The following NETO1 variants were observed in gnomAD, a reference collection of about 807,000 sequenced individuals.
The protein encoded by NETO1 is neuropilin and tolloid like 1.
A neutral mutation model predicts 61.3 loss-of-function variants in NETO1; 26 were observed. That is an observed-to-expected ratio of 0.42 (90% CI 0.31 to 0.59). The LOEUF is 0.59. Ranked by LOEUF, NETO1 falls within the 20% of genes least tolerant of loss-of-function variation. The probability of loss-of-function intolerance (pLI) is 0.12; values close to 1 mark genes in which losing one functional copy is unlikely to be tolerated. For missense variants in NETO1, 531 were observed against 662.8 expected (o/e 0.80, Z 2.18); for synonymous variants, 225 against 225.8 (o/e 1.00, Z 0.03).
chr18:72,750,706 T>TA, intron 8 of NETO1, 86 bp from the exon 9 acceptor site: 1 of 939,772 alleles, frequency 1.1e-6, no homozygotes, highest in South Asian at 2.0e-5. Flanking sequence ...AAATGTGTAT[T>TA]AAAAACTTAA....
chr18:72,855,564 G>A (rs1476816430), intron 4 of NETO1, among the ~76,000 whole-genome samples: 1 of 152,182 alleles, frequency 6.6e-6, no homozygotes, highest in East Asian at 1.9e-4. Context: ...CATCCGTGCG[G>A]GACCTCCAGT....
intron 4 of NETO1, among the ~76,000 whole-genome samples, chr18:72,857,959 T>A (rs984618058): frequency 6.6e-6 from 1 of 152,188 alleles, no homozygotes; most frequent in Non-Finnish European, 1.5e-5. Context: ...GTTACTTCTT[T>A]AACATGGAAT....
rs768013789 is a variant in NETO1 at position 72,744,328 on chromosome 18, G to C, written c.*3851C>G. The C allele has an allele frequency of 6.6e-6, 1 of 152,154 alleles. No homozygotes were observed. Among genetic ancestry groups the C allele is most frequent in the Non-Finnish European group, 1.5e-5 (1 of 68,026 alleles). 9.4% of individuals were successfully genotyped at this position (152,154 alleles called of 1,614,324 possible). On this transcript the variant is annotated 3_prime_UTR_variant, in exon 11 of 11. Coordinates refer to ENST00000327305, the MANE Select transcript of NETO1 (RefSeq NM_138966.5). Reference sequence around the variant, plus strand: ...AATTGTAAATTAACAAAGGGCCTCAGATTTATTTAGCAGGATTATTTATAA... The same window carrying C: ...AATTGTAAATTAACAAAGGGCCTCACATTTATTTAGCAGGATTATTTATAA...
intron 7 of NETO1, among the ~76,000 whole-genome samples, chr18:72,757,272 T>C (rs1349658027): frequency 6.6e-6 from 1 of 152,140 alleles, no homozygotes; most frequent in Non-Finnish European, 1.5e-5. Flanking sequence ...AAACTGTATA[T>C]TACATAAGTT....
chr18:72,814,966 A>G (rs2072986351), intron 4 of NETO1, among the ~76,000 whole-genome samples: 1 of 152,096 alleles, frequency 6.6e-6, no homozygotes, highest in Admixed American at 6.5e-5. Context: ...ATTTAGTAAA[A>G]CAATTATTAT....
chr18:72,759,070 C>G (rs1946451190), intron 7 of NETO1, among the ~76,000 whole-genome samples: 1 of 152,112 alleles, frequency 6.6e-6, no homozygotes. Flanking sequence ...CACCAATAGA[C>G]CAAATCAAGC....
At chr18:72,763,766 G>A (rs1318277191) in intron 7 of NETO1, among the ~76,000 whole-genome samples, 1 of 152,142 alleles carries the variant, frequency 6.6e-6, no homozygotes. Flanking sequence ...GTATGGAAAA[G>A]CAGCTGGGGG....
chr18:72,798,407 C>T (rs560343444), intron 4 of NETO1, among the ~76,000 whole-genome samples: 2 of 152,174 alleles, frequency 1.3e-5, no homozygotes, highest in South Asian at 4.1e-4. Flanking sequence ...TTTGACTGCA[C>T]AGAGACCATA....
At chr18:72,851,001 C>T (rs1232256902) in intron 4 of NETO1, among the ~76,000 whole-genome samples, 1 of 152,176 alleles carries the variant, frequency 6.6e-6, no homozygotes, top group Non-Finnish European at 1.5e-5. Flanking sequence ...GAGTGTCTTT[C>T]CTGTGTACTG....
intron 6 of NETO1, among the ~76,000 whole-genome samples, chr18:72,787,108 C>T (rs1022579977): frequency 5.4e-5 from 8 of 147,992 alleles, no homozygotes; most frequent in African/African-American, 1.7e-4. Context: ...TAAAAGTAAA[C>T]AAACTGAAAA....
At position 72,798,586 on chromosome 18, in the gene NETO1, C is replaced by T. The variant is rs73966665; in HGVS notation, c.470-4182G>A. Among the ~76,000 whole-genome samples the T allele has an allele frequency of 6.5e-3, 994 of 152,162 alleles. 10 individuals carry two copies. The highest frequency in any genetic ancestry group is 0.022 in the African/African-American group (933 of 41,522). On this transcript the variant is annotated intron_variant, in intron 4 of 10. Coordinates refer to ENST00000327305, the MANE Select transcript of NETO1 (RefSeq NM_138966.5). Reference sequence around the variant, plus strand: ...TCAAAATCCGCCACTTATTTTAGTCCGCATGTGACACACCCATTATTTTAT... The same window carrying T: ...TCAAAATCCGCCACTTATTTTAGTCTGCATGTGACACACCCATTATTTTAT...
At position 72,830,231 on chromosome 18, in the gene NETO1, G is replaced by C. The variant is rs2073530660; in HGVS notation, c.469+28595C>G. 6.6e-6 allele frequency among the ~76,000 whole-genome samples: 1 copy of C among 152,138 alleles called. No homozygotes were observed. Among genetic ancestry groups the C allele is most frequent in the South Asian group, 2.1e-4 (1 of 4,830 alleles). On this transcript the variant is annotated intron_variant, in intron 4 of 10. Transcript: ENST00000327305. This position sits in a 1 kb window ranked among gnomAD's most constrained non-coding sequence, Gnocchi z 4.9. The stretch of plus-strand genomic sequence containing the variant: ...AGGAAGCAGCCCTCCCAAGAGACGG[G>C]AACAGCAGTGCTATCTTGGTGCCGG...
At chr18:72,865,277 C>T in intron 1 of NETO1, 36 bp from the exon 2 acceptor site, 1 of 1,462,252 alleles carries the variant, frequency 6.8e-7, no homozygotes, top group East Asian at 2.3e-5. Flanking sequence ...ATAAAATACA[C>T]TGAAATGATC....
chr18:72,778,608 G>T (rs1472796609), intron 7 of NETO1, among the ~76,000 whole-genome samples: 1 of 152,062 alleles, frequency 6.6e-6, no homozygotes, highest in South Asian at 2.1e-4. Context: ...TTTATAACAA[G>T]GATGAACTTT....
At chr18:72,809,335 C>T (rs1256742517) in intron 4 of NETO1, among the ~76,000 whole-genome samples, 1 of 152,136 alleles carries the variant, frequency 6.6e-6, no homozygotes, top group Non-Finnish European at 1.5e-5. Flanking sequence ...TACTTAATTT[C>T]TTAAAAAGCC....
Position 72,867,270 on chromosome 18 carries a change from G to A in NETO1, c.22C>T (p.Leu8Phe), listed in dbSNP as rs1264145179. ...CGGCGGGGAGGGTACTCACTGTGAAGCACGCTGCGCCCATGGATCATGTCT... is the reference window on the plus strand; with the variant it reads ...CGGCGGGGAGGGTACTCACTGTGAAACACGCTGCGCCCATGGATCATGTCT... MIHGRSV[L>F]HIVASLIILH... Residue 8 changes from leucine (L) to phenylalanine (F), a missense_variant, in exon 1 of 11, where the codon CTT becomes TTT. Coordinates refer to ENST00000327305, the MANE Select transcript of NETO1 (RefSeq NM_138966.5). 6.4e-7 allele frequency: 1 copy of A among 1,566,320 alleles called. No individual in the cohort carries two copies. Among genetic ancestry groups the A allele is most frequent in the Non-Finnish European group, 8.6e-7 (1 of 1,156,284 alleles).
intron 4 of NETO1, among the ~76,000 whole-genome samples, chr18:72,818,833 C>G (rs13381153): frequency 6.6e-6 from 1 of 151,872 alleles, no homozygotes; most frequent in Non-Finnish European, 1.5e-5. Context: ...AAAACTCTCA[C>G]AATAGTCACT....
chr18:72,827,090 CTTT>C (rs75038247), intron 4 of NETO1, among the ~76,000 whole-genome samples: 1 of 142,738 alleles, frequency 7.0e-6, no homozygotes, highest in Non-Finnish European at 1.5e-5. Flanking sequence ...TCAATGCTTT[CTTT>C]TTTTTTTTTT....
At position 72,748,104 on chromosome 18, in the gene NETO1, T is replaced by G. The variant is rs1052477740; in HGVS notation, c.*75A>C. ...AATGAATTTAGAAATATGTCCACTT[T>G]TCACAATTCACTATAGAATTTTCTT... On this transcript the variant is annotated 3_prime_UTR_variant, in exon 11 of 11. Transcript: ENST00000327305. The G allele has an allele frequency of 3.1e-6, 3 of 963,490 alleles. No homozygotes were observed. Among genetic ancestry groups the G allele is most frequent in the Non-Finnish European group, 3.7e-6 (3 of 809,656 alleles). 59.7% of individuals were successfully genotyped at this position (963,490 alleles called of 1,614,324 possible).
Sources: allele counts gnomAD v4.1 joint callset (sites outside exome capture counted in the v4.1 genomes callset), GRCh38; gene constraint gnomAD v4.1.1; non-coding constraint Gnocchi (gnomAD v3.1); transcripts MANE v1.5; gene names NCBI Gene and HGNC (gene_info 2026-07-23, HGNC 2026-07-21).